COBL: variants seen among roughly 807,000 people sequenced by gnomAD.
COBL encodes the protein cordon-bleu WH2 repeat protein, also known as protein cordon-bleu.
In COBL, 51 loss-of-function variants were observed where a neutral mutation model predicts 98.8. The observed-to-expected ratio is 0.52, with a 90% CI of 0.41 to 0.65. The LOEUF (loss-of-function observed/expected upper bound fraction) is 0.65, where lower values mean the gene tolerates loss of function less well. COBL is among the 30% of genes least tolerant of loss of function. The probability of loss-of-function intolerance (pLI) is 0.00; values close to 1 mark genes in which losing one functional copy is unlikely to be tolerated. For missense variants in COBL, 1,617 were observed against 1,617.5 expected, an observed-to-expected ratio of 1.00 and a Z score of 0.01; for synonymous variants, 634 against 651.7, an observed-to-expected ratio of 0.97 and a Z score of 0.41.
At chr7:51,315,070 T>C in intron 1 of COBL, among the ~76,000 whole-genome samples, 1 of 152,186 alleles carries the variant, frequency 6.6e-6, no homozygotes, top group South Asian at 2.1e-4. Context: ...AGTGACAAAA[T>C]AATTCAGTGT....
At chr7:51,050,426 C>T (rs1341688911) in intron 7 of COBL, among the ~76,000 whole-genome samples, 1 of 152,226 alleles carries the variant, frequency 6.6e-6, no homozygotes, top group African/African-American at 2.4e-5. Context: ...TCTCTGCCCA[C>T]CACTCTCACT....
At chr7:51,237,348 T>C (rs1247459512) in intron 1 of COBL, among the ~76,000 whole-genome samples, 1 of 152,182 alleles carries the variant, frequency 6.6e-6, no homozygotes, top group East Asian at 1.9e-4. Flanking sequence ...TCATAATAAT[T>C]TGTCCATAGA....
chr7:51,260,404 T>A (rs1299693723), intron 1 of COBL, among the ~76,000 whole-genome samples: 1 of 152,246 alleles, frequency 6.6e-6, no homozygotes, highest in African/African-American at 2.4e-5. Flanking sequence ...TTACTATTTA[T>A]CTTCCATGGG....
At chr7:51,190,522 T>G in intron 4 of COBL, among the ~76,000 whole-genome samples, 1 of 152,102 alleles carries the variant, frequency 6.6e-6, no homozygotes, top group South Asian at 2.1e-4. Context: ...CAAGAAAGTA[T>G]TATAGATGGT....
intron 6 of COBL, among the ~76,000 whole-genome samples, chr7:51,102,774 T>C (rs1795918807): frequency 6.6e-6 from 1 of 152,208 alleles, no homozygotes; most frequent in Non-Finnish European, 1.5e-5. Context: ...TTCATTCACA[T>C]GTGGGTCTCC....
At position 51,083,091 on chromosome 7, in the gene COBL, C is replaced by T. The variant is rs543313642; in HGVS notation, c.1096+2075G>A. On this transcript the variant is annotated intron_variant, in intron 7 of 12. Transcript: ENST00000265136. The stretch of plus-strand genomic sequence containing the variant: ...ATCGGGTCTGAGGCCTCGGAACCAG[C>T]GCCTTCCCCGGGAAAGCTGAGAGGC... 8.0e-5 allele frequency: 123 copies of T among 1,534,908 alleles called. No individual in the cohort carries two copies. The African/African-American group carries it at 1.2e-3, about 15-fold the overall frequency.
intron 1 of COBL, among the ~76,000 whole-genome samples, chr7:51,267,570 G>T (rs1237757406): frequency 6.6e-6 from 1 of 151,904 alleles, no homozygotes; most frequent in Non-Finnish European, 1.5e-5. Context: ...CACAAAAAAA[G>T]AACTTTTGTT....
intron 1 of COBL, among the ~76,000 whole-genome samples, chr7:51,257,337 A>G (rs1408217094): frequency 1.3e-5 from 2 of 152,212 alleles, no homozygotes; most frequent in South Asian, 4.1e-4. Flanking sequence ...AAGTCATTAA[A>G]TACAGAGACC....
chr7:51,197,379 G>C (rs1790689352), intron 2 of COBL, among the ~76,000 whole-genome samples: 1 of 152,118 alleles, frequency 6.6e-6, no homozygotes, highest in Non-Finnish European at 1.5e-5. Context: ...TCTGTGGTCT[G>C]AGAGATTGGT....
At chr7:51,143,717 AG>A (rs953911704) in intron 5 of COBL, among the ~76,000 whole-genome samples, 1 of 152,248 alleles carries the variant, frequency 6.6e-6, no homozygotes, top group Admixed American at 6.5e-5. Context: ...CAAATCAGGA[AG>A]GCTTCCCTGT....
At chr7:51,226,839 T>TG (rs1202925321) in intron 1 of COBL, among the ~76,000 whole-genome samples, 2 of 152,148 alleles carry the variant, frequency 1.3e-5, no homozygotes, top group Non-Finnish European at 2.9e-5. Context: ...TGCCACACTG[T>TG]GTATGTTCAA....
intron 1 of COBL, among the ~76,000 whole-genome samples, chr7:51,261,584 A>G (rs561022302): frequency 6.6e-6 from 1 of 152,270 alleles, no homozygotes; most frequent in Admixed American, 6.5e-5. Context: ...GCACCAGGGA[A>G]TGGAGGAATC....
chr7:51,306,050 G>A (rs1262163611), intron 1 of COBL, among the ~76,000 whole-genome samples: 1 of 151,910 alleles, frequency 6.6e-6, no homozygotes, highest in African/African-American at 2.4e-5. Flanking sequence ...GGGCGGGGGT[G>A]GGGGCAAACA....
rs185098501 is a variant in COBL at position 51,219,755 on chromosome 7, G to A, written c.231C>T (p.Ser77=). 392 of 1,613,960 alleles carry A rather than the reference G, an allele frequency of 2.4e-4. 10 individuals are homozygous for A. In the Admixed American group the frequency reaches 6.2e-3, roughly 26 times the overall value. Residue 77 remains serine (S), a synonymous_variant, in exon 2 of 13, where the codon AGC becomes AGT. Transcript: ENST00000265136. ...VVLPSGLEKR[S]VLNGSHAMMD... is the part of the protein sequence containing the mutation. Reference sequence around the variant, plus strand: ...CCGGCTCTCACCTCCCATTGAGCACGCTCCTCTTCTCCAGCCCACTAGGCA... The same window carrying A: ...CCGGCTCTCACCTCCCATTGAGCACACTCCTCTTCTCCAGCCCACTAGGCA...
At chr7:51,264,159 A>C (rs1797962615) in intron 1 of COBL, among the ~76,000 whole-genome samples, 1 of 152,118 alleles carries the variant, frequency 6.6e-6, no homozygotes, top group Non-Finnish European at 1.5e-5. Context: ...AAGCCTCAGA[A>C]CTGCTGGATC....
At chr7:51,204,241 T>C (rs1791438547) in intron 2 of COBL, among the ~76,000 whole-genome samples, 1 of 152,124 alleles carries the variant, frequency 6.6e-6, no homozygotes, top group Admixed American at 6.6e-5. Context: ...ATAAAAACCA[T>C]ATACAAAAAG....
chr7:51,130,004 G>A (rs561101402), intron 6 of COBL, among the ~76,000 whole-genome samples: 2 of 152,264 alleles, frequency 1.3e-5, no homozygotes, highest in East Asian at 1.9e-4. Flanking sequence ...GCTTGAGCCC[G>A]GGAGTGCAGG....
intron 2 of COBL, among the ~76,000 whole-genome samples, chr7:51,204,432 G>A (rs1441248527): frequency 6.6e-6 from 1 of 151,892 alleles, no homozygotes; most frequent in Non-Finnish European, 1.5e-5. Flanking sequence ...ATTATCCCGG[G>A]TTACAAGTGA....
At chr7:51,273,141 C>T (rs1318954505) in intron 1 of COBL, among the ~76,000 whole-genome samples, 2 of 151,940 alleles carry the variant, frequency 1.3e-5, no homozygotes, top group East Asian at 3.9e-4. Flanking sequence ...TCAGCCTGGC[C>T]AACATGGTGA....
Sources: allele counts gnomAD v4.1 joint callset (sites outside exome capture counted in the v4.1 genomes callset), GRCh38; gene constraint gnomAD v4.1.1; transcripts MANE v1.5; gene names NCBI Gene and HGNC (gene_info 2026-07-23, HGNC 2026-07-21).